The following C4orf17 variants were observed in gnomAD, a reference collection of about 807,000 sequenced individuals.
C4orf17 encodes uncharacterized protein C4orf17.
C4orf17 carries 25 observed loss-of-function variants against 32.0 expected under a neutral mutation model. That is an observed-to-expected ratio of 0.78 (90% CI 0.57 to 1.09). The LOEUF is 1.09. C4orf17 is among the 50% of genes least tolerant of loss of function. C4orf17 has a pLI of 0.00. For synonymous variants in C4orf17, 149 were observed against 145.8 expected (o/e 1.02, Z -0.16); for missense variants, 420 against 420.0 (o/e 1.00, Z 0.00).
At chr4:99,524,274 A>G (rs1723349936) in intron 3 of C4orf17, among the ~76,000 whole-genome samples, 1 of 152,112 alleles carries the variant, frequency 6.6e-6, no homozygotes, top group Non-Finnish European at 1.5e-5. Flanking sequence ...GTTTAACCAG[A>G]TCAAGAAAGC....
chr4:99,513,118 G>A lies in C4orf17; in HGVS notation c.37G>A (p.Glu13Lys), dbSNP rs776501812. The A allele has an allele frequency of 7.7e-5, 124 of 1,613,728 alleles. No individual in the cohort carries two copies. The highest frequency in any genetic ancestry group is 9.5e-5 in the Non-Finnish European group (112 of 1,179,854). ...CCCCCCGACATCTGCTCTTCAGATC[G>A]AGGGCAAAGGCAGCCATATTATGGC... ...LNPPTSALQIEGKGSHIMARN... is the reference protein window; with the variant it reads ...LNPPTSALQIKGKGSHIMARN... Residue 13 changes from glutamate to lysine, a missense_variant, in exon 2 of 9, where the codon GAG becomes AAG. Coordinates refer to ENST00000326581, the MANE Select transcript of C4orf17 (RefSeq NM_032149.3).
chr4:99,521,433 A>G (rs1723286319), intron 2 of C4orf17, among the ~76,000 whole-genome samples: 1 of 152,162 alleles, frequency 6.6e-6, no homozygotes, highest in South Asian at 2.1e-4. Context: ...TTTAAGATCT[A>G]TATCTTAAAT....
chr4:99,537,808 A>G, intron 6 of C4orf17, 58 bp downstream of exon 6: 1 of 1,180,690 alleles, frequency 8.5e-7, no homozygotes, highest in African/African-American at 1.5e-5. Context: ...AGAAACTGGG[A>G]ATATGCCAAT....
In C4orf17 at chr4:99,523,528, G is replaced by A. The variant is rs79509382; in HGVS notation, c.337+819G>A. ...CAAGAATTTCTCTTCCCTCCCTTCT[G>A]CTAGCAATGAAGAGTCAAAGCCCAC... On this transcript the variant is annotated intron_variant, in intron 3 of 8. Transcript: ENST00000326581. 4.1e-3 allele frequency among the ~76,000 whole-genome samples: 627 copies of A among 152,128 alleles called. 8 individuals are homozygous for A. The highest frequency in any genetic ancestry group is 0.014 in the African/African-American group (597 of 41,484).
chr4:99,541,389 C>CT (rs1238285047), intron 8 of C4orf17: 1 of 154,134 alleles, frequency 6.5e-6, no homozygotes, highest in Non-Finnish European at 1.4e-5. Flanking sequence ...TATTATTCAA[C>CT]TTTATGTCTT....
chr4:99,535,534 T>C (rs562321940), intron 5 of C4orf17, among the ~76,000 whole-genome samples: 1 of 152,328 alleles, frequency 6.6e-6, no homozygotes, highest in East Asian at 1.9e-4. Context: ...TTTTCTGCTA[T>C]GAATACTTAC....
At chr4:99,527,580 A>C (rs1723411500) in intron 4 of C4orf17, among the ~76,000 whole-genome samples, 1 of 152,174 alleles carries the variant, frequency 6.6e-6, no homozygotes, top group Non-Finnish European at 1.5e-5. Context: ...CACAACCTAC[A>C]TCCCTTGCAT....
At chr4:99,531,742 C>A (rs756530833) in intron 5 of C4orf17, among the ~76,000 whole-genome samples, 3 of 152,034 alleles carry the variant, frequency 2.0e-5, no homozygotes, top group Non-Finnish European at 4.4e-5. Context: ...AATAAATGAA[C>A]GGAGAGGGAA....
chr4:99,537,839 G>C (rs1250059813), intron 6 of C4orf17, 89 bp downstream of exon 6: 16 of 910,228 alleles, frequency 1.8e-5, no homozygotes, highest in Non-Finnish European at 2.9e-5. Flanking sequence ...TTGTACCTTG[G>C]ATTTGCAAAG....
intron 2 of C4orf17, among the ~76,000 whole-genome samples, chr4:99,519,703 T>C (rs1306953695): frequency 6.6e-6 from 1 of 152,112 alleles, no homozygotes; most frequent in Admixed American, 6.5e-5. Flanking sequence ...TCTAGCTGCA[T>C]TGTAGAAAGT....
chr4:99,527,557 C>T (rs954418249), intron 4 of C4orf17, among the ~76,000 whole-genome samples: 8 of 152,212 alleles, frequency 5.3e-5, no homozygotes, highest in Non-Finnish European at 1.5e-5. Flanking sequence ...GTGTTCCATT[C>T]TCATAAGGAG....
intron 2 of C4orf17, among the ~76,000 whole-genome samples, chr4:99,514,726 G>T (rs534982770): frequency 1.3e-5 from 2 of 152,234 alleles, no homozygotes; most frequent in South Asian, 2.1e-4. Context: ...AGGTAGAACT[G>T]CCATTCAATC....
At position 99,539,295 on chromosome 4, in the gene C4orf17, C is replaced by T; in HGVS notation, c.761C>T (p.Thr254Ile). The T allele has an allele frequency of 6.2e-7, 1 of 1,614,118 alleles. No homozygotes were observed. Among genetic ancestry groups the T allele is most frequent in the Non-Finnish European group, 8.5e-7 (1 of 1,179,966 alleles). ...GKPPTVKSPP[T>I]VKLPPNFTAK... ...CCACCCACAGTTAAATCACCACCCACAGTTAAATTGCCCCCAAATTTTACT... is the reference window on the plus strand; with the variant it reads ...CCACCCACAGTTAAATCACCACCCATAGTTAAATTGCCCCCAAATTTTACT... Residue 254 changes from threonine to isoleucine, a missense_variant, in exon 7 of 9, where the codon ACA becomes ATA. By Grantham distance (89) the Thr-to-Ile change is moderately conservative. Transcript: ENST00000326581.
rs573696605 is a variant in C4orf17 at position 99,516,386 on chromosome 4, G to A, written c.127+3178G>A. ...TGTCTGAGTCTCAAATAGGAACTTA[G>A]GAGTAGAGATGCACATTGGGAGTCA... On this transcript the variant is annotated intron_variant, in intron 2 of 8. Coordinates refer to ENST00000326581, the MANE Select transcript of C4orf17 (RefSeq NM_032149.3). Among the ~76,000 whole-genome samples, 7 of 152,284 alleles carry A rather than the reference G, an allele frequency of 4.6e-5. No homozygotes were observed. In the South Asian group the frequency reaches 1.4e-3, roughly 32 times the overall value.
At chr4:99,512,466 T>G (rs749294698) in intron 1 of C4orf17, among the ~76,000 whole-genome samples, 23 of 152,188 alleles carry the variant, frequency 1.5e-4, no homozygotes, top group Non-Finnish European at 2.8e-4. Context: ...GTTCTCTGGT[T>G]TATCATCTCC....
chr4:99,515,368 A>G (rs2110164931), intron 2 of C4orf17, among the ~76,000 whole-genome samples: 1 of 152,302 alleles, frequency 6.6e-6, no homozygotes, highest in African/African-American at 2.4e-5. Context: ...CTGCAGCCAT[A>G]AAAAGAATGA....
chr4:99,538,224 C>A (rs1033862701), intron 6 of C4orf17, among the ~76,000 whole-genome samples: 1 of 152,300 alleles, frequency 6.6e-6, no homozygotes, highest in Non-Finnish European at 1.5e-5. Flanking sequence ...TCTTTTGGGC[C>A]CTTCCTGGCC....
intron 7 of C4orf17, among the ~76,000 whole-genome samples, chr4:99,539,898 G>A (rs563234310): frequency 1.3e-5 from 2 of 152,004 alleles, no homozygotes; most frequent in South Asian, 4.2e-4. Context: ...ATTATTGCAG[G>A]AGAAATTTTT....
In C4orf17 at chr4:99,534,986, C is replaced by T. The variant is rs188630281; in HGVS notation, c.547-2683C>T. On this transcript the variant is annotated intron_variant, in intron 5 of 8. Coordinates refer to ENST00000326581, the MANE Select transcript of C4orf17 (RefSeq NM_032149.3). ...TCTAAAAAGGATCTTATTTATCCTT[C>T]GCTTATGAAACTCAGTTTGGCCAGA... is the stretch of plus-strand genomic sequence containing the variant. 1.4e-3 allele frequency among the ~76,000 whole-genome samples: 215 copies of T among 152,258 alleles called. 1 individual carries two copies. The highest frequency in any genetic ancestry group is 4.0e-3 in the African/African-American group (168 of 41,558).
Sources: gnomAD v4.1 joint callset for allele counts (sites outside exome capture counted in the v4.1 genomes callset) on GRCh38, gnomAD v4.1.1 for gene constraint, MANE v1.5 for transcripts, NCBI Gene and HGNC (gene_info 2026-07-23, HGNC 2026-07-21) for gene names.